The following ZNF544 variants were observed in gnomAD, a reference collection of about 807,000 sequenced individuals.
ZNF544 encodes zinc finger protein 544, also known as zinc finger protein AF020591.
A neutral mutation model predicts 13.5 loss-of-function variants in ZNF544; 10 were observed. The observed-to-expected ratio is 0.74, with a 90% confidence interval of 0.46 to 1.25. The LOEUF (loss-of-function observed/expected upper bound fraction) is 1.25, where lower values mean the gene tolerates loss of function less well. Among genes scored for constraint, ZNF544 ranks in the 50% most tolerant of loss-of-function variants. ZNF544 has a pLI of 0.00. For synonymous variants in ZNF544, 323 were observed against 300.5 expected (o/e 1.07, Z -0.77); for missense variants, 896 against 845.6 (o/e 1.06, Z -0.74).
rs775709025 is a variant in ZNF544, at chr19:58,262,052, T to A, written c.1446T>A (p.His482Gln). Residue 482 changes from histidine (H) to glutamine (Q), a missense_variant, in exon 7 of 7, where the codon CAT becomes CAA. His to Gln is a conservative substitution (Grantham distance 24, BLOSUM62 0). Transcript: ENST00000687789. ...SFSQSYELVT[H>Q]KRTHTGEKPF... is the part of the protein sequence containing the mutation. ...GCCAAAGCTATGAGTTAGTTACACA[T>A]AAAAGAACGCACACTGGAGAAAAAC... is the stretch of plus-strand genomic sequence containing the variant. The A allele has an allele frequency of 5.0e-6, 8 of 1,609,316 alleles. No homozygotes were observed. Among genetic ancestry groups the A allele is most frequent in the African/African-American group, 2.7e-5 (2 of 73,234 alleles).
chr19:58,266,024 G>A (rs11673557), downstream of ZNF544, among the ~76,000 whole-genome samples: 80,472 of 151,074 alleles, frequency 0.53, 21,699 homozygotes, highest in Middle Eastern at 0.64. Flanking sequence ...GGCCAACATG[G>A]TGAAATCCCA....
At chr19:58,248,773 A>T (rs1190438750) in intron 6 of ZNF544, among the ~76,000 whole-genome samples, 2 of 152,242 alleles carry the variant, frequency 1.3e-5, no homozygotes, top group African/African-American at 4.8e-5. Flanking sequence ...AAGCAAAAAA[A>T]GCATAGATTT....
downstream of ZNF544, among the ~76,000 whole-genome samples, chr19:58,268,498 G>A (rs766746361): frequency 1.1e-4 from 16 of 152,120 alleles, no homozygotes; most frequent in Non-Finnish European, 2.2e-4. Context: ...CAGCAAGGCC[G>A]TTTTTACTTT....
chr19:58,262,044 G>C lies in ZNF544; in HGVS notation c.1438G>C (p.Val480Leu). The change falls in exon 7 of 7, where the codon GTT becomes CTT. Residue 480 changes from valine to leucine, a missense_variant. By Grantham distance (32) the Val-to-Leu change is conservative. Coordinates refer to ENST00000687789, the MANE Select transcript of ZNF544 (RefSeq NM_014480.4). Reference protein sequence around the residue: ...GKSFSQSYELVTHKRTHTGEK... With the variant: ...GKSFSQSYELLTHKRTHTGEK... ...GTCCTTCAGCCAAAGCTATGAGTTA[G>C]TTACACATAAAAGAACGCACACTGG... is the stretch of plus-strand genomic sequence containing the variant. The C allele has an allele frequency of 6.2e-7, 1 of 1,610,380 alleles. No individual in the cohort carries two copies. The highest frequency in any genetic ancestry group is 8.5e-7 in the Non-Finnish European group (1 of 1,179,184).
rs767449840 is a variant in ZNF544, at chr19:58,246,328, A to G, written c.61A>G (p.Met21Val). 4.3e-6 allele frequency: 7 copies of G among 1,614,100 alleles called. No individual in the cohort carries two copies. Among genetic ancestry groups the G allele is most frequent in the Admixed American group, 3.3e-5 (2 of 60,006 alleles). The change falls in exon 5 of 7, where the codon ATG becomes GTG. Residue 21 changes from methionine to valine, a missense_variant. Met to Val is a conservative substitution (Grantham distance 21). Coordinates refer to ENST00000687789, the MANE Select transcript of ZNF544 (RefSeq NM_014480.4). ...QASVCFEDVA[M>V]AFTQEEWEQL... The stretch of plus-strand genomic sequence containing the variant: ...ATCTGTGTGCTTCGAGGATGTGGCT[A>G]TGGCATTCACACAGGAGGAGTGGGA...
Position 58,262,274 on chromosome 19 carries a change from C to T in ZNF544, c.1668C>T (p.Ser556=), listed in dbSNP as rs1405689660. The stretch of plus-strand genomic sequence containing the variant: ...ATCAGTGTATTGAATGTGGGAAATC[C>T]TTCAGATGGAACTCTAACCTCGTCA... ...KPYQCIECGK[S]FRWNSNLVIH... Residue 556 remains serine (S), a synonymous_variant, in exon 7 of 7, where the codon TCC becomes TCT. Transcript: ENST00000687789. 6.2e-7 allele frequency: 1 copy of T among 1,613,750 alleles called. No homozygotes were observed. Among genetic ancestry groups the T allele is most frequent in the African/African-American group, 1.3e-5 (1 of 74,800 alleles).
chr19:58,259,205 A>C (rs1568494016), intron 6 of ZNF544: 1 of 152,256 alleles, frequency 6.6e-6, no homozygotes, highest in Admixed American at 6.5e-5. Flanking sequence ...TTCAGAGACC[A>C]TGCAGTCTTT....
chr19:58,256,406 C>A (rs1323631158), intron 6 of ZNF544, among the ~76,000 whole-genome samples: 1 of 151,944 alleles, frequency 6.6e-6, no homozygotes, highest in South Asian at 2.1e-4. Flanking sequence ...AAAATTCTCT[C>A]GGCCTCGAGG....
At chr19:58,247,748 A>G (rs1204542492) in intron 6 of ZNF544, 4 of 151,998 alleles carry the variant, frequency 2.6e-5, no homozygotes, top group African/African-American at 9.7e-5. Context: ...TGCCCAGGCT[A>G]ATAGACTTTA....
rs530673869 is a variant in ZNF544, at chr19:58,277,049, G to A, written c.352-134G>A. On this transcript the variant is annotated intron_variant, in intron 6 of 6. Coordinates refer to the ZNF544 transcript ENST00000595981. ...ATCTACCTGCTTAAAGTATCAGTCT[G>A]ATTATGTGGCATTTAGCCTAAGTGA... The A allele has an allele frequency of 6.9e-5, 33 of 477,658 alleles. 1 individual carries two copies. The South Asian group carries it at 2.7e-3, about 40-fold the overall frequency. 29.6% of individuals were successfully genotyped at this position (477,658 alleles called of 1,614,324 possible).
chr19:58,269,759 A>G (rs972203207), intron 5 of ZNF544, among the ~76,000 whole-genome samples: 2 of 152,154 alleles, frequency 1.3e-5, no homozygotes, highest in Non-Finnish European at 2.9e-5. Context: ...TGTCTCTACT[A>G]AAGATACAAA....
intron 4 of ZNF544, among the ~76,000 whole-genome samples, chr19:58,244,759 T>C (rs907613520): frequency 2.0e-5 from 3 of 152,026 alleles, no homozygotes; most frequent in Non-Finnish European, 4.4e-5. Flanking sequence ...ATATTTTTAG[T>C]GGGGACAGGG....
At chr19:58,246,554 G>GGGTT in intron 5 of ZNF544, 127 bp downstream of exon 5, 1 of 1,491,688 alleles carries the variant, frequency 6.7e-7, no homozygotes, top group Non-Finnish European at 9.1e-7. Flanking sequence ...CAGTTCCCAG[G>GGGTT]GGTTGCCCTT....
intron 3 of ZNF544, among the ~76,000 whole-genome samples, chr19:58,235,362 T>A (rs1290688630): frequency 1.3e-5 from 2 of 152,372 alleles, no homozygotes; most frequent in Admixed American, 1.3e-4. Context: ...TGTAATCATA[T>A]GGGACCACTA....
chr19:58,274,379 G>C (rs118185808), intron 5 of ZNF544, among the ~76,000 whole-genome samples: 266 of 152,208 alleles, frequency 1.7e-3, no homozygotes, highest in Non-Finnish European at 3.5e-3. Flanking sequence ...TTTGGAGACA[G>C]ACAACTTGTC....
chr19:58,244,537 A>G (rs1168462057), intron 4 of ZNF544, among the ~76,000 whole-genome samples: 2 of 151,824 alleles, frequency 1.3e-5, no homozygotes, highest in African/African-American at 4.8e-5. Flanking sequence ...TAGTGAGGAG[A>G]GAGAGTGAGA....
At chr19:58,233,918 T>G (rs572145970) in intron 3 of ZNF544, among the ~76,000 whole-genome samples, 1 of 152,210 alleles carries the variant, frequency 6.6e-6, no homozygotes, top group African/African-American at 2.4e-5. Context: ...GGAAAAGATA[T>G]AAACTTTCCC....
intron 3 of ZNF544, among the ~76,000 whole-genome samples, chr19:58,241,499 CTT>C (rs568335282): frequency 1.5e-4 from 21 of 138,846 alleles, no homozygotes; most frequent in Admixed American, 1.5e-4. Context: ...CATTCCATTT[CTT>C]TTTTTTTTTT....
At chr19:58,242,232 G>C (rs1325175353) in intron 3 of ZNF544, 3 of 985,260 alleles carry the variant, frequency 3.0e-6, no homozygotes, top group Non-Finnish European at 3.6e-6. Context: ...TTCCTGGCCA[G>C]AGTGAGTCCC....
Sources: gnomAD v4.1 joint callset for allele counts (sites outside exome capture counted in the v4.1 genomes callset) on GRCh38, gnomAD v4.1.1 for gene constraint, MANE v1.5 for transcripts, NCBI Gene and HGNC (gene_info 2026-07-23, HGNC 2026-07-21) for gene names.